Variants in CDKN2B-AS1 observed in about 807,000 individuals in gnomAD.
CDKN2B-AS1 encodes the protein CDKN2B and CDKN2A antisense cis and trans regulatory RNA 1.
At chr9:22,033,879 A>T (rs973894261) in intron 1 of CDKN2B-AS1, among the ~76,000 whole-genome samples, 1 of 152,152 alleles carries the variant, frequency 6.6e-6, no homozygotes, top group Non-Finnish European at 1.5e-5. Context: ...GTTTCTTTAT[A>T]CTCAATGAAA....
At chr9:22,048,480 G>C (rs144880886) in intron 2 of CDKN2B-AS1, among the ~76,000 whole-genome samples, 41 of 152,260 alleles carry the variant, frequency 2.7e-4, no homozygotes, top group African/African-American at 9.4e-4. Flanking sequence ...CAGATAAGAG[G>C]TCTCCACTGG....
At chr9:22,037,524 A>G (rs1822737883) in intron 1 of CDKN2B-AS1, among the ~76,000 whole-genome samples, 1 of 151,914 alleles carries the variant, frequency 6.6e-6, no homozygotes, top group African/African-American at 2.4e-5. Flanking sequence ...CTTTTTACTT[A>G]TCTCCTCTTA....
At chr9:22,093,869 G>T (rs1277231965) in intron 4 of CDKN2B-AS1, among the ~76,000 whole-genome samples, 1 of 144,346 alleles carries the variant, frequency 6.9e-6, no homozygotes, top group Admixed American at 6.7e-5. Context: ...TATGATGTTA[G>T]CTGGTTATTT....
At chr9:22,023,640 G>T (rs770304016) in intron 1 of CDKN2B-AS1, among the ~76,000 whole-genome samples, 2 of 152,150 alleles carry the variant, frequency 1.3e-5, no homozygotes, top group African/African-American at 4.8e-5. Context: ...CTACTGGGGA[G>T]ACTGAGGCAG....
chr9:22,094,867 C>G (rs1035842544), intron 4 of CDKN2B-AS1, among the ~76,000 whole-genome samples: 1 of 143,988 alleles, frequency 6.9e-6, no homozygotes, highest in African/African-American at 2.9e-5. Flanking sequence ...GAGCTGCATT[C>G]CTTTGGAGGA....
intron 4 of CDKN2B-AS1, among the ~76,000 whole-genome samples, chr9:22,103,309 A>G (rs928091459): frequency 1.3e-5 from 2 of 152,100 alleles, no homozygotes; most frequent in Admixed American, 6.6e-5. Flanking sequence ...TGCCCTGCTA[A>G]GATCTGGATT....
chr9:22,123,599 T>A (rs949979623), intron 4 of CDKN2B-AS1, among the ~76,000 whole-genome samples: 6 of 151,416 alleles, frequency 4.0e-5, no homozygotes, highest in African/African-American at 1.5e-4. Flanking sequence ...GCTATTAGGA[T>A]GGCCAATGAT....
At position 22,005,786 on chromosome 9, in the gene CDKN2B-AS1, T is replaced by A; in HGVS notation, n.29+10625T>A. 3.0e-6 allele frequency: 2 copies of A among 661,890 alleles called. No individual in the cohort carries two copies. Among genetic ancestry groups the A allele is most frequent in the Non-Finnish European group, 5.2e-6 (2 of 381,630 alleles). 41.0% of individuals were successfully genotyped at this position (661,890 alleles called of 1,614,324 possible). On this transcript the variant is annotated intron_variant and non_coding_transcript_variant, in intron 1 of 4. Coordinates refer to ENST00000650946, the Ensembl canonical transcript of CDKN2B-AS1. The surrounding 1 kb of genome is among the most constrained non-coding windows in gnomAD (Gnocchi z 4.9). ...TCTGTGTTTCGCTTCATGGTGAGTG[T>A]CGAGGGCCAGATAAGACAAAGAAAA...
At chr9:22,108,368 A>T (rs972946095) in intron 4 of CDKN2B-AS1, among the ~76,000 whole-genome samples, 1 of 152,178 alleles carries the variant, frequency 6.6e-6, no homozygotes, top group Non-Finnish European at 1.5e-5. Context: ...ACACTTGTCT[A>T]TGCACATTGC....
chr9:22,014,057 G>T lies in CDKN2B-AS1; in HGVS notation n.29+18896G>T, dbSNP rs931900506. Among the ~76,000 whole-genome samples, 7 of 152,124 alleles carry T rather than the reference G, an allele frequency of 4.6e-5. No individual in the cohort carries two copies. In the South Asian group the frequency reaches 1.5e-3, roughly 32 times the overall value. ...TCTTTCTGTGATTCTAGCAGCCATG[G>T]ATAATTATTTCATAGATTATTATTT... is the stretch of plus-strand genomic sequence containing the variant. On this transcript the variant is annotated intron_variant and non_coding_transcript_variant, in intron 1 of 4. Transcript: ENST00000650946.
At chr9:22,075,878 T>C (rs1181907536) in intron 4 of CDKN2B-AS1, among the ~76,000 whole-genome samples, 1 of 152,088 alleles carries the variant, frequency 6.6e-6, no homozygotes, top group African/African-American at 2.4e-5. Context: ...AGGGAAACTA[T>C]ATATTTCTAA....
At chr9:22,009,324 G>C in intron 1 of CDKN2B-AS1, 1 of 415,264 alleles carries the variant, frequency 2.4e-6, no homozygotes, top group Admixed American at 4.4e-5. Context: ...AGCCGGCAAA[G>C]AATTCCGTTT....
At chr9:22,109,490 C>A (rs1007574731) in intron 4 of CDKN2B-AS1, among the ~76,000 whole-genome samples, 3 of 152,134 alleles carry the variant, frequency 2.0e-5, no homozygotes, top group African/African-American at 7.2e-5. Context: ...ACGTTTCCTG[C>A]GTGTACTTAT....
chr9:22,064,233 C>G (rs1435178096), intron 4 of CDKN2B-AS1, among the ~76,000 whole-genome samples: 1 of 152,060 alleles, frequency 6.6e-6, no homozygotes, highest in Non-Finnish European at 1.5e-5. Flanking sequence ...TCTAATGACA[C>G]AAACATAGAA....
chr9:22,026,919 G>T (rs539519926), intron 1 of CDKN2B-AS1, among the ~76,000 whole-genome samples: 18 of 152,036 alleles, frequency 1.2e-4, no homozygotes, highest in African/African-American at 2.2e-4. Flanking sequence ...CCAGAGTTGC[G>T]CATTCACTTA....
chr9:22,030,869 C>CT (rs1208778662), intron 1 of CDKN2B-AS1: 1 of 152,066 alleles, frequency 6.6e-6, no homozygotes, highest in African/African-American at 2.4e-5. Context: ...ATATAACTGT[C>CT]TTATTGATAA....
At chr9:22,077,383 C>T (rs1214607257) in intron 4 of CDKN2B-AS1, among the ~76,000 whole-genome samples, 1 of 151,846 alleles carries the variant, frequency 6.6e-6, no homozygotes, top group African/African-American at 2.4e-5. Flanking sequence ...ATTAAATTGC[C>T]AATGGAAATA....
intron 4 of CDKN2B-AS1, among the ~76,000 whole-genome samples, chr9:22,084,966 G>A (rs1158562428): frequency 2.0e-5 from 3 of 152,002 alleles, no homozygotes; most frequent in African/African-American, 4.8e-5. Context: ...AAGATAACAC[G>A]AACACCCAGA....
intron 4 of CDKN2B-AS1, among the ~76,000 whole-genome samples, chr9:22,090,343 A>T (rs1825033543): frequency 6.6e-6 from 1 of 152,226 alleles, no homozygotes; most frequent in Admixed American, 6.5e-5. Context: ...GTATAGACCC[A>T]GTAATGGGAT....
Sources: allele counts gnomAD v4.1 joint callset (sites outside exome capture counted in the v4.1 genomes callset), GRCh38; gene constraint gnomAD v4.1.1; non-coding constraint Gnocchi (gnomAD v3.1); transcripts MANE v1.5; gene names NCBI Gene and HGNC (gene_info 2026-07-23, HGNC 2026-07-21).